The following FGF7 variants were observed in gnomAD, a reference collection of about 807,000 sequenced individuals.
FGF7 encodes the protein fibroblast growth factor 7.
A neutral mutation model predicts 20.5 loss-of-function variants in FGF7; 6 were observed. The observed-to-expected ratio is 0.29, with a 90% CI of 0.16 to 0.58. The LOEUF (loss-of-function observed/expected upper bound fraction) is 0.58, where lower values mean the gene tolerates loss of function less well. FGF7 is among the 20% of genes least tolerant of loss of function. FGF7 has a pLI of 0.90. For missense variants in FGF7, 144 were observed against 228.8 expected (o/e 0.63, Z 2.39); for synonymous variants, 64 against 74.7 (o/e 0.86, Z 0.74).
chr15:49,447,244 G>A (rs772533993), intron 2 of FGF7, among the ~76,000 whole-genome samples: 1 of 151,560 alleles, frequency 6.6e-6, no homozygotes, highest in Non-Finnish European at 1.5e-5. Context: ...TATTTCTTTT[G>A]ATACTTGTAA....
At chr15:49,474,214 G>T (rs777098537) in intron 2 of FGF7, among the ~76,000 whole-genome samples, 5 of 152,068 alleles carry the variant, frequency 3.3e-5, no homozygotes, top group Non-Finnish European at 5.9e-5. Flanking sequence ...CCCAGTTCTT[G>T]CTGAGATACT....
rs567731802 is a variant in FGF7 at position 49,435,449 on chromosome 15, A to C, written c.286+10866A>C. 5.3e-5 allele frequency among the ~76,000 whole-genome samples: 8 copies of C among 151,780 alleles called. No homozygotes were observed. The East Asian group carries it at 1.4e-3, about 26-fold the overall frequency. ...ACTCAGTAGTCAAGCAGCTGTGCAT[A>C]GTTTTATGCCCTCTAATTCATGAAG... On this transcript the variant is annotated intron_variant, in intron 2 of 3. Transcript: ENST00000267843.
chr15:49,479,597 C>CTTTTTTT (rs1567359064), intron 2 of FGF7, among the ~76,000 whole-genome samples: 6 of 102,082 alleles, frequency 5.9e-5, no homozygotes, highest in Admixed American at 1.1e-4. Flanking sequence ...GTTAATACCT[C>CTTTTTTT]TGTTTTTTTT....
In FGF7 at chr15:49,476,812, C is replaced by T. The variant is rs566513287; in HGVS notation, c.287-6339C>T. 1.1e-3 allele frequency among the ~76,000 whole-genome samples: 174 copies of T among 152,268 alleles called. 1 individual carries two copies. The highest frequency in any genetic ancestry group is 5.1e-3 in the Admixed American group (78 of 15,302). The stretch of plus-strand genomic sequence containing the variant: ...TGGTGGCTCACGCCTGTAATCCCAG[C>T]ACTTTGGGAGGCTGAGGTGGGCAGA... On this transcript the variant is annotated intron_variant, in intron 2 of 3. Coordinates refer to ENST00000267843, the MANE Select transcript of FGF7 (RefSeq NM_002009.4).
At chr15:49,451,181 A>G (rs1430681766) in intron 2 of FGF7, among the ~76,000 whole-genome samples, 3 of 152,156 alleles carry the variant, frequency 2.0e-5, no homozygotes, top group Non-Finnish European at 4.4e-5. Flanking sequence ...GGATACTTAC[A>G]TATAAAATAA....
chr15:49,459,048 C>G (rs1369187185), intron 2 of FGF7, among the ~76,000 whole-genome samples: 6 of 152,174 alleles, frequency 3.9e-5, no homozygotes, highest in Non-Finnish European at 5.9e-5. Flanking sequence ...ATAACTAATA[C>G]TCAACTAATA....
intron 2 of FGF7, among the ~76,000 whole-genome samples, chr15:49,449,159 A>G (rs2052495774): frequency 6.6e-6 from 1 of 151,874 alleles, no homozygotes; most frequent in Non-Finnish European, 1.5e-5. Flanking sequence ...CTCTAGCACT[A>G]TCTCAGACTG....
intron 2 of FGF7, chr15:49,424,804 C>T (rs775585778): frequency 2.1e-4 from 73 of 351,170 alleles, no homozygotes; most frequent in Non-Finnish European, 3.1e-5. Flanking sequence ...TAATCCAAGC[C>T]AATTTGAAAA....
intron 2 of FGF7, among the ~76,000 whole-genome samples, chr15:49,446,760 C>G (rs2052257263): frequency 6.6e-6 from 1 of 151,232 alleles, no homozygotes; most frequent in Non-Finnish European, 1.5e-5. Context: ...ATTTTAACTT[C>G]ATATTATAAA....
In FGF7 at chr15:49,448,286, C is replaced by G. The variant is rs375937164; in HGVS notation, c.286+23703C>G. Among the ~76,000 whole-genome samples the G allele has an allele frequency of 5.9e-4, 89 of 151,442 alleles. No homozygotes were observed. In the South Asian group the frequency reaches 0.018, roughly 30 times the overall value. ...TCTCCTTCCAAATTTGTCTTCTTTC[C>G]TGTTACCTTTTCTCCCTCTTTTCTT... On this transcript the variant is annotated intron_variant, in intron 2 of 3. Transcript: ENST00000267843.
At chr15:49,478,163 T>C (rs1420302282) in intron 2 of FGF7, among the ~76,000 whole-genome samples, 1 of 152,162 alleles carries the variant, frequency 6.6e-6, no homozygotes, top group Non-Finnish European at 1.5e-5. Context: ...AGGGAAAACA[T>C]GCAGTATTTA....
At chr15:49,445,750 ATC>A (rs1173754922) in intron 2 of FGF7, among the ~76,000 whole-genome samples, 1 of 151,596 alleles carries the variant, frequency 6.6e-6, no homozygotes, top group Non-Finnish European at 1.5e-5. Flanking sequence ...AACTGCAGGT[ATC>A]TGTTTAAAGT....
intron 2 of FGF7, among the ~76,000 whole-genome samples, chr15:49,428,809 T>A (rs1220487563): frequency 6.6e-6 from 1 of 152,010 alleles, no homozygotes; most frequent in Non-Finnish European, 1.5e-5. Flanking sequence ...CACTGTTAGT[T>A]CCATAGCAAG....
chr15:49,474,270 C>A, intron 2 of FGF7, among the ~76,000 whole-genome samples: 1 of 152,040 alleles, frequency 6.6e-6, no homozygotes, highest in East Asian at 1.9e-4. Context: ...GGAATTCATA[C>A]CGTATGAGAA....
At chr15:49,473,687 T>C (rs564426765) in intron 2 of FGF7, among the ~76,000 whole-genome samples, 2 of 152,250 alleles carry the variant, frequency 1.3e-5, no homozygotes, top group South Asian at 4.1e-4. Context: ...TATTTCAACA[T>C]TTGGAAACCA....
At position 49,487,129 on chromosome 15, in the gene FGF7, A is replaced by C. The variant is rs529795976; in HGVS notation, c.*2625A>C. 169 of 152,034 alleles carry C rather than the reference A, an allele frequency of 1.1e-3. No individual in the cohort carries two copies. Among genetic ancestry groups the C allele is most frequent in the African/African-American group, 3.7e-3 (154 of 41,534 alleles). The allele number at this position is 152,034 out of a possible 1,614,324, so 9.4% of individuals were successfully genotyped here. On this transcript the variant is annotated 3_prime_UTR_variant, in exon 4 of 4. Transcript: ENST00000267843. ...TGACTATGTCTTGGCAATGCACTTC[A>C]TACACAATGACTAATCTATACTGTG...
At chr15:49,480,564 C>T (rs1162685890) in intron 2 of FGF7, among the ~76,000 whole-genome samples, 7 of 150,916 alleles carry the variant, frequency 4.6e-5, no homozygotes, top group Non-Finnish European at 1.0e-4. Context: ...TCACTGCAGC[C>T]TCCGCCTTCT....
At chr15:49,471,551 T>C (rs1048545213) in intron 2 of FGF7, among the ~76,000 whole-genome samples, 2 of 150,102 alleles carry the variant, frequency 1.3e-5, no homozygotes, top group Admixed American at 1.3e-4. Context: ...TGTAATGAAT[T>C]TATATACAGA....
intron 2 of FGF7, among the ~76,000 whole-genome samples, chr15:49,427,375 T>C (rs762652100): frequency 1.3e-5 from 2 of 151,992 alleles, no homozygotes; most frequent in Non-Finnish European, 2.9e-5. Context: ...AAAAAGGTAA[T>C]TGGATTGTCT....
Sources: gnomAD v4.1 joint callset for allele counts (sites outside exome capture counted in the v4.1 genomes callset) on GRCh38, gnomAD v4.1.1 for gene constraint, MANE v1.5 for transcripts, NCBI Gene and HGNC (gene_info 2026-07-23, HGNC 2026-07-21) for gene names.